SPECC1L: variants seen among roughly 807,000 people sequenced by gnomAD.
The protein encoded by SPECC1L is sperm antigen with calponin homology and coiled-coil domains 1 like.
A neutral mutation model predicts 116.8 loss-of-function variants in SPECC1L; 40 were observed. The ratio of observed to expected loss-of-function variants is 0.34; its 90% confidence interval spans 0.27 to 0.45. The LOEUF is 0.45. SPECC1L is among the 20% of genes least tolerant of loss of function. SPECC1L has a pLI of 1.00. For synonymous variants in SPECC1L, 504 were observed against 500.6 expected, an observed-to-expected ratio of 1.01 and a Z score of -0.09; for missense variants, 1,110 against 1,373.6, an observed-to-expected ratio of 0.81 and a Z score of 3.03.
chr22:24,270,955 A>G lies in SPECC1L; in HGVS notation c.-170A>G, dbSNP rs2048708629. The G allele has an allele frequency of 1.3e-5, 2 of 152,114 alleles. No homozygotes were observed. The highest frequency in any genetic ancestry group is 4.8e-5 in the African/African-American group (2 of 41,404). 9.4% of individuals were successfully genotyped at this position (152,114 alleles called of 1,614,324 possible). On this transcript the variant is annotated 5_prime_UTR_variant, in exon 1 of 17. Coordinates refer to ENST00000314328, the MANE Select transcript of SPECC1L (RefSeq NM_015330.6). Reference sequence around the variant, plus strand: ...CTCACCGCCCAGCCCAAACCAGGAGATTGCGAGGGAGCGATGCGGTGCAGC... The same window carrying G: ...CTCACCGCCCAGCCCAAACCAGGAGGTTGCGAGGGAGCGATGCGGTGCAGC...
At chr22:24,385,017 C>T (rs558794258) in intron 14 of SPECC1L, among the ~76,000 whole-genome samples, 11 of 149,776 alleles carry the variant, frequency 7.3e-5, no homozygotes, top group South Asian at 2.1e-4. Context: ...GAGCTGAGAT[C>T]GCGCCACTGA....
At chr22:24,397,907 AC>A (rs2042398445) in intron 14 of SPECC1L, among the ~76,000 whole-genome samples, 1 of 152,138 alleles carries the variant, frequency 6.6e-6, no homozygotes, top group Non-Finnish European at 1.5e-5. Context: ...ACCATTCAGC[AC>A]TTGGTCAAGA....
chr22:24,272,995 G>GT (rs922152167), intron 1 of SPECC1L, among the ~76,000 whole-genome samples: 7 of 152,190 alleles, frequency 4.6e-5, no homozygotes, highest in African/African-American at 1.7e-4. Flanking sequence ...GTGCACGTTG[G>GT]TAGCCAACTA....
At position 24,337,434 on chromosome 22, in the gene SPECC1L, G is replaced by A. The variant is rs143566493; in HGVS notation, c.2561-952G>A. Among the ~76,000 whole-genome samples, 3 of 152,308 alleles carry A rather than the reference G, an allele frequency of 2.0e-5. No homozygotes were observed. The East Asian group carries it at 5.8e-4, about 29-fold the overall frequency. ...ATTGCCATACGCTGGCGGGACAGTG[G>A]ATGGGAAGTGACTATTGGGATACTA... On this transcript the variant is annotated intron_variant, in intron 9 of 16. Transcript: ENST00000314328.
intron 2 of SPECC1L, among the ~76,000 whole-genome samples, chr22:24,286,147 G>C (rs1386413762): frequency 6.6e-6 from 1 of 152,206 alleles, no homozygotes; most frequent in East Asian, 1.9e-4. Context: ...CGAAGGCTTA[G>C]ATTTAAGACT....
rs2041829208 is a variant in SPECC1L, at chr22:24,369,235, C to T, written c.3002C>T (p.Pro1001Leu). The change falls in exon 14 of 17, where the codon CCT becomes CTT. Residue 1001 changes from proline to leucine, a missense_variant. Coordinates refer to ENST00000314328, the MANE Select transcript of SPECC1L (RefSeq NM_015330.6). ...GTTTTCAGAGAAGAAAGGAAAGACC[C>T]TCTCTCAGCATTGGCCAGAGAATAT... ...RSRIREERKDPLSALAREYGG... is the reference protein window; with the variant it reads ...RSRIREERKDLLSALAREYGG... 1.2e-6 allele frequency: 2 copies of T among 1,613,396 alleles called. No individual in the cohort carries two copies. The highest frequency in any genetic ancestry group is 1.7e-6 in the Non-Finnish European group (2 of 1,179,318).
chr22:24,348,064 GCCT>G (rs1269453736), intron 11 of SPECC1L, among the ~76,000 whole-genome samples: 1 of 152,100 alleles, frequency 6.6e-6, no homozygotes. Context: ...ACCCCACGCT[GCCT>G]CTTCATGTGA....
chr22:24,406,209 G>A (rs1342077478), intron 14 of SPECC1L, among the ~76,000 whole-genome samples: 4 of 152,160 alleles, frequency 2.6e-5, no homozygotes, highest in Non-Finnish European at 2.9e-5. Flanking sequence ...TGCAGATGGG[G>A]ACAGAGCACC....
At chr22:24,329,160 C>T (rs1202341660) in intron 7 of SPECC1L, among the ~76,000 whole-genome samples, 1 of 152,096 alleles carries the variant, frequency 6.6e-6, no homozygotes, top group African/African-American at 2.4e-5. Context: ...CTAAAATATT[C>T]CAAAATTTGC....
chr22:24,362,499 T>A (rs2041665842), intron 11 of SPECC1L, among the ~76,000 whole-genome samples: 1 of 152,222 alleles, frequency 6.6e-6, no homozygotes, highest in Non-Finnish European at 1.5e-5. Context: ...CTCAAAAATG[T>A]TTGATGCTTC....
chr22:24,335,694 A>G (rs1442658880), intron 9 of SPECC1L, among the ~76,000 whole-genome samples: 1 of 152,220 alleles, frequency 6.6e-6, no homozygotes, highest in Non-Finnish European at 1.5e-5. Context: ...CAAAAGTCAC[A>G]TGTATACTCC....
chr22:24,288,720 G>T (rs1190343511), intron 2 of SPECC1L, among the ~76,000 whole-genome samples: 11 of 140,738 alleles, frequency 7.8e-5, no homozygotes, highest in African/African-American at 2.9e-4. Context: ...CTGCCTCCTG[G>T]GTTCAAGCGA....
At chr22:24,274,406 A>T (rs397844023) in intron 1 of SPECC1L, among the ~76,000 whole-genome samples, 1 of 152,228 alleles carries the variant, frequency 6.6e-6, no homozygotes, top group South Asian at 2.1e-4. Flanking sequence ...ACATACTCTT[A>T]AAAAACCTGC....
intron 2 of SPECC1L, among the ~76,000 whole-genome samples, chr22:24,299,173 TTTATA>T (rs1489134405): frequency 6.6e-6 from 1 of 152,234 alleles, no homozygotes; most frequent in Non-Finnish European, 1.5e-5. Context: ...AAAAATTGTT[TTTATA>T]TTATAGTTGC....
chr22:24,409,569 C>T (rs2042653501), intron 14 of SPECC1L, among the ~76,000 whole-genome samples: 1 of 152,142 alleles, frequency 6.6e-6, no homozygotes, highest in Admixed American at 6.5e-5. Flanking sequence ...GGGAGGATTG[C>T]TTCAGCCCAG....
At chr22:24,403,450 T>C (rs1190895348) in intron 14 of SPECC1L, among the ~76,000 whole-genome samples, 1 of 152,248 alleles carries the variant, frequency 6.6e-6, no homozygotes, top group Non-Finnish European at 1.5e-5. Context: ...TGCCTGTGAA[T>C]AGTGAACAAT....
chr22:24,340,188 G>T (rs1601579820), intron 10 of SPECC1L, among the ~76,000 whole-genome samples: 5 of 109,348 alleles, frequency 4.6e-5, no homozygotes. Flanking sequence ...TCACTCTGTT[G>T]CCCAGGCTGG....
chr22:24,324,156 A>C, intron 5 of SPECC1L, 64 bp from the exon 6 acceptor site: 1 of 1,396,942 alleles, frequency 7.2e-7, no homozygotes, highest in South Asian at 1.2e-5. Context: ...GTGTACCTCA[A>C]TTCTGGAACG....
At chr22:24,352,222 C>T (rs183453050) in intron 11 of SPECC1L, among the ~76,000 whole-genome samples, 1 of 152,200 alleles carries the variant, frequency 6.6e-6, no homozygotes, top group East Asian at 1.9e-4. Flanking sequence ...AGCTTTATGC[C>T]CTAAGCTGAA....
Sources: gnomAD v4.1 joint callset for allele counts (sites outside exome capture counted in the v4.1 genomes callset) on GRCh38, gnomAD v4.1.1 for gene constraint, MANE v1.5 for transcripts, NCBI Gene and HGNC (gene_info 2026-07-23, HGNC 2026-07-21) for gene names.